RMDN2: variants seen among roughly 807,000 people sequenced by gnomAD.
RMDN2 encodes the protein regulator of microtubule dynamics protein 2.
In RMDN2, 61 loss-of-function variants were observed where a neutral mutation model predicts 52.8. The observed-to-expected ratio is 1.16, with a 90% CI of 0.94 to 1.43. The LOEUF (loss-of-function observed/expected upper bound fraction) is 1.43, where lower values mean the gene tolerates loss of function less well. RMDN2 is among the 40% of genes most tolerant of loss of function. RMDN2 has a pLI of 0.00. For missense variants in RMDN2, 592 were observed against 475.3 expected, an observed-to-expected ratio of 1.25 and a Z score of -2.28; for synonymous variants, 180 against 153.1, an observed-to-expected ratio of 1.18 and a Z score of -1.30.
At chr2:37,966,522 C>T (rs1287442781) in intron 2 of RMDN2, among the ~76,000 whole-genome samples, 1 of 152,040 alleles carries the variant, frequency 6.6e-6, no homozygotes, top group Non-Finnish European at 1.5e-5. Flanking sequence ...TCTCTCTTCT[C>T]CTTCTGGAAC....
chr2:37,936,010 A>G (rs980665957), intron 2 of RMDN2, among the ~76,000 whole-genome samples: 3 of 152,122 alleles, frequency 2.0e-5, no homozygotes, highest in Non-Finnish European at 4.4e-5. Context: ...TCAACCCGTC[A>G]TCTATGTTAG....
chr2:38,016,961 A>G (rs1482210981), intron 10 of RMDN2, among the ~76,000 whole-genome samples: 1 of 152,186 alleles, frequency 6.6e-6, no homozygotes, highest in Non-Finnish European at 1.5e-5. Flanking sequence ...CACTAAGAGA[A>G]AAGCAACTTG....
chr2:37,936,549 C>T (rs573436041), intron 2 of RMDN2, among the ~76,000 whole-genome samples: 1 of 152,354 alleles, frequency 6.6e-6, no homozygotes, highest in African/African-American at 2.4e-5. Context: ...TCCTCTCCAA[C>T]ATCTGTTGTT....
chr2:38,060,093 ATTTTATTTTATTTTATTTTATTTTAT>A (rs1423224301), intron 10 of RMDN2, among the ~76,000 whole-genome samples: 18 of 142,906 alleles, frequency 1.3e-4, no homozygotes, highest in African/African-American at 5.0e-4. Context: ...ATTTTATTTT[ATTTTATTTTATTTTATTTTATTTTAT>A]TTTTTTTAGT....
intron 10 of RMDN2, among the ~76,000 whole-genome samples, chr2:38,007,190 G>C (rs1658622503): frequency 6.6e-6 from 1 of 152,130 alleles, no homozygotes; most frequent in Non-Finnish European, 1.5e-5. Context: ...TCTCTGCCAG[G>C]CTTTGGTATC....
At position 37,935,867 on chromosome 2, in the gene RMDN2, A is replaced by G. The variant is rs150668230; in HGVS notation, c.452+6138A>G. On this transcript the variant is annotated intron_variant, in intron 2 of 10. Coordinates refer to ENST00000354545, the MANE Select transcript of RMDN2 (RefSeq NM_001170791.3). Reference sequence around the variant, plus strand: ...TGAATATACCTTAATTTATTTCCCTATTGATGGATGTTTAGGTTATCATGT... The same window carrying G: ...TGAATATACCTTAATTTATTTCCCTGTTGATGGATGTTTAGGTTATCATGT... Among the ~76,000 whole-genome samples, 142 of 152,104 alleles carry G rather than the reference A, an allele frequency of 9.3e-4. 3 individuals carry two copies. In the East Asian group the frequency reaches 0.021, roughly 22 times the overall value.
downstream of RMDN2, among the ~76,000 whole-genome samples, chr2:38,021,367 T>G (rs989937895): frequency 6.6e-6 from 1 of 152,160 alleles, no homozygotes; most frequent in Non-Finnish European, 1.5e-5. Context: ...GAACCAGCAG[T>G]GGTAACCTGC....
At chr2:38,064,574 A>C (rs564022650) in intron 10 of RMDN2, among the ~76,000 whole-genome samples, 69 of 152,252 alleles carry the variant, frequency 4.5e-4, no homozygotes, top group African/African-American at 1.6e-3. Flanking sequence ...AGAGATCATC[A>C]GTGCTGAGAA....
downstream of RMDN2, among the ~76,000 whole-genome samples, chr2:38,021,199 G>C (rs1477873052): frequency 6.6e-6 from 1 of 152,108 alleles, no homozygotes; most frequent in Non-Finnish European, 1.5e-5. Context: ...GGGATGTGGA[G>C]AACTTTTGTG....
In RMDN2 at chr2:38,007,064, G is replaced by C. The variant is rs143366851; in HGVS notation, c.1179+2848G>C. On this transcript the variant is annotated intron_variant, in intron 10 of 10. Coordinates refer to ENST00000354545, the MANE Select transcript of RMDN2 (RefSeq NM_001170791.3). ...ATCCCAGGGATGAAGCCCACTTGAT[G>C]ATGGTGGATAAGCTTTTTGATGTGC... Among the ~76,000 whole-genome samples, 1,307 of 152,192 alleles carry C rather than the reference G, an allele frequency of 8.6e-3. 15 individuals are homozygous for C. The highest frequency in any genetic ancestry group is 0.03 in the African/African-American group (1,237 of 41,530).
intron 2 of RMDN2, among the ~76,000 whole-genome samples, chr2:37,970,766 A>C (rs764209169): frequency 9.2e-5 from 14 of 152,302 alleles, no homozygotes; most frequent in Non-Finnish European, 1.9e-4. Flanking sequence ...TTGTTCTTAT[A>C]AAGAATAACA....
chr2:37,970,988 T>C (rs928247577), intron 2 of RMDN2, among the ~76,000 whole-genome samples: 10 of 152,030 alleles, frequency 6.6e-5, no homozygotes, highest in Non-Finnish European at 1.0e-4. Flanking sequence ...TAACATATTT[T>C]CTTCTATTCT....
intron 2 of RMDN2, chr2:37,952,723 C>A (rs1048764901): frequency 6.5e-6 from 1 of 154,406 alleles, no homozygotes; most frequent in African/African-American, 2.4e-5. Flanking sequence ...TTTTTATTAA[C>A]ACAAGAATCA....
intron 2 of RMDN2, among the ~76,000 whole-genome samples, chr2:37,964,614 G>C (rs1670786847): frequency 6.6e-6 from 1 of 152,072 alleles, no homozygotes; most frequent in Non-Finnish European, 1.5e-5. Context: ...TATCTACTTG[G>C]AGAATATTCC....
intron 10 of RMDN2, among the ~76,000 whole-genome samples, chr2:38,048,737 A>C (rs767748681): frequency 2.0e-5 from 3 of 152,206 alleles, no homozygotes; most frequent in African/African-American, 7.2e-5. Flanking sequence ...TCTGCAGAAG[A>C]AGCAAGTCAT....
intron 10 of RMDN2, among the ~76,000 whole-genome samples, chr2:38,016,831 G>T (rs1017273170): frequency 7.9e-5 from 12 of 152,028 alleles, no homozygotes. Flanking sequence ...GAAGAAACCT[G>T]TTGGGAAAAT....
intron 5 of RMDN2, among the ~76,000 whole-genome samples, chr2:37,988,879 G>A (rs372081256): frequency 6.6e-6 from 1 of 152,250 alleles, no homozygotes; most frequent in East Asian, 1.9e-4. Flanking sequence ...ATAACTATTT[G>A]TATAAATTTT....
Position 37,974,205 on chromosome 2 carries a change from CAAAGA to C in RMDN2, c.623_627del (p.Glu208ValfsTer2). The C allele has an allele frequency of 6.2e-7, 1 of 1,609,718 alleles. No individual in the cohort carries two copies. Among genetic ancestry groups the C allele is most frequent in the Non-Finnish European group, 8.5e-7 (1 of 1,177,946 alleles). On this transcript the variant is annotated frameshift_variant, in exon 3 of 11. Coordinates refer to ENST00000354545, the MANE Select transcript of RMDN2 (RefSeq NM_001170791.3). LOFTEE classifies it high-confidence loss of function. ...AGAGTTTTGAACTACTTCGTGACCA[CAAAGA>C]AAAGGTAAGAGACATAACAATAGCA... is the stretch of plus-strand genomic sequence containing the variant.
rs1671062995 is a variant in RMDN2 at position 37,966,430 on chromosome 2, A to C, written c.453-7610A>C. Among the ~76,000 whole-genome samples, 3 of 146,364 alleles carry C rather than the reference A, an allele frequency of 2.0e-5. No individual in the cohort carries two copies. The South Asian group carries it at 6.7e-4, about 33-fold the overall frequency. On this transcript the variant is annotated intron_variant, in intron 2 of 10. Coordinates refer to ENST00000354545, the MANE Select transcript of RMDN2 (RefSeq NM_001170791.3). The stretch of plus-strand genomic sequence containing the variant: ...AGGCTCTGTCTTAAAAAAAAAAAAA[A>C]AGTTCTTACATTTGTATTTCATTGT...
Sources: allele counts gnomAD v4.1 joint callset (sites outside exome capture counted in the v4.1 genomes callset), GRCh38; gene constraint gnomAD v4.1.1; transcripts MANE v1.5; gene names NCBI Gene and HGNC (gene_info 2026-07-23, HGNC 2026-07-21).